NPAS3: variants seen among roughly 807,000 people sequenced by gnomAD.
NPAS3 encodes the protein neuronal PAS domain protein 3, also known as neuronal PAS domain-containing protein 3.
NPAS3 carries 14 observed loss-of-function variants against 73.1 expected under a neutral mutation model. The ratio of observed to expected loss-of-function variants is 0.19; its 90% confidence interval spans 0.13 to 0.30. The LOEUF is 0.30. Ranked by LOEUF, NPAS3 falls within the 10% of genes least tolerant of loss-of-function variation. NPAS3 has a pLI of 1.00. For missense variants in NPAS3, 1,096 were observed against 1,250.0 expected (o/e 0.88, Z 1.86); for synonymous variants, 620 against 541.5 (o/e 1.14, Z -2.01).
intron 5 of NPAS3, among the ~76,000 whole-genome samples, chr14:33,606,771 A>C (rs187234137): frequency 6.6e-6 from 1 of 152,346 alleles, no homozygotes; most frequent in African/African-American, 2.4e-5. Flanking sequence ...TAAAACTTCT[A>C]CTGTTCAACA....
At chr14:33,701,179 A>G (rs747525580) in intron 6 of NPAS3, among the ~76,000 whole-genome samples, 5 of 152,218 alleles carry the variant, frequency 3.3e-5, no homozygotes. Context: ...CCTACCAAGT[A>G]TTTTCAAATA....
At chr14:33,143,191 G>C (rs577180018) in intron 2 of NPAS3, among the ~76,000 whole-genome samples, 1 of 150,770 alleles carries the variant, frequency 6.6e-6, no homozygotes, top group East Asian at 2.0e-4. Context: ...CAGTTTATAA[G>C]GTTAAAAAAA....
intron 2 of NPAS3, among the ~76,000 whole-genome samples, chr14:33,144,672 G>A (rs528864392): frequency 1.3e-5 from 2 of 152,306 alleles, no homozygotes; most frequent in Admixed American, 6.5e-5. Flanking sequence ...TTCCTGAGTA[G>A]TTAGGACTAC....
intron 3 of NPAS3, among the ~76,000 whole-genome samples, chr14:33,333,869 T>G (rs2044096367): frequency 6.6e-6 from 1 of 152,148 alleles, no homozygotes; most frequent in African/African-American, 2.4e-5. Flanking sequence ...AGAAAAGTCA[T>G]AAGTAAAGGA....
intron 3 of NPAS3, among the ~76,000 whole-genome samples, chr14:33,317,023 T>C (rs1159349920): frequency 6.6e-6 from 1 of 152,096 alleles, no homozygotes; most frequent in Non-Finnish European, 1.5e-5. Flanking sequence ...CCTTCAGATT[T>C]GACTTCAGTG....
intron 4 of NPAS3, among the ~76,000 whole-genome samples, chr14:33,522,057 A>G (rs1056742159): frequency 6.6e-6 from 1 of 151,322 alleles, no homozygotes; most frequent in Non-Finnish European, 1.5e-5. Context: ...GTGTACCTAT[A>G]TGAATGAAAA....
intron 2 of NPAS3, among the ~76,000 whole-genome samples, chr14:33,062,378 G>A (rs1224962526): frequency 6.6e-6 from 1 of 151,998 alleles, no homozygotes; most frequent in Non-Finnish European, 1.5e-5. Context: ...TATCTTGAAG[G>A]ACTCTCCCAA....
chr14:33,224,982 T>A (rs997779509), intron 3 of NPAS3, among the ~76,000 whole-genome samples: 1 of 152,154 alleles, frequency 6.6e-6, no homozygotes, highest in African/African-American at 2.4e-5. Flanking sequence ...AAAAAATCAC[T>A]AGAATTCACT....
Position 33,799,715 on chromosome 14 carries a change from G to A in NPAS3, c.1427-19G>A, listed in dbSNP as rs914019567. 1 of 1,546,538 alleles carries A rather than the reference G, an allele frequency of 6.5e-7. No homozygotes were observed. ...TTCTCTCTCCGCCCCCGCCACCGCC[G>A]GCCCCCCGCCCCACACAGAGGACAA... On this transcript the variant is annotated intron_variant, in intron 11 of 11. Transcript: ENST00000356141.
At chr14:33,120,159 C>G (rs780901122) in intron 2 of NPAS3, among the ~76,000 whole-genome samples, 60 of 152,208 alleles carry the variant, frequency 3.9e-4, no homozygotes, top group Admixed American at 1.2e-3. Context: ...TGGGGTTTCA[C>G]CATCTTGACC....
chr14:33,580,628 C>G (rs2056626970), intron 5 of NPAS3, among the ~76,000 whole-genome samples: 1 of 152,114 alleles, frequency 6.6e-6, no homozygotes, highest in South Asian at 2.1e-4. Context: ...CATTTCTTTA[C>G]AACTGAGGAA....
At chr14:33,333,535 T>C (rs563486727) in intron 3 of NPAS3, among the ~76,000 whole-genome samples, 3 of 152,328 alleles carry the variant, frequency 2.0e-5, no homozygotes, top group Admixed American at 6.5e-5. Context: ...TTTTGACTTA[T>C]CCTGAGGTTG....
chr14:33,364,610 G>A (rs184932348), intron 3 of NPAS3, among the ~76,000 whole-genome samples: 2 of 152,316 alleles, frequency 1.3e-5, no homozygotes, highest in East Asian at 3.9e-4. Context: ...ATGCTAGGGT[G>A]TATGGGGGTA....
Position 33,800,024 on chromosome 14 carries a change from G to A in NPAS3, c.1717G>A (p.Glu573Lys), listed in dbSNP as rs1838420215. The change falls in exon 12 of 12, where the codon GAG (glutamate) becomes AAG (lysine). Residue 573 changes from glutamate (E) to lysine (K), a missense_variant. Glu to Lys is a moderately conservative substitution (Grantham distance 56). Coordinates refer to ENST00000356141, the Ensembl canonical transcript of NPAS3. This position sits in a 1 kb window ranked among gnomAD's most constrained non-coding sequence, Gnocchi z 6.5. ...GTCGGACCTGCGGCTGCAGAACTGCGAGTCACTCACGTCCGACAGCGCCAA... is the reference window on the plus strand; with the variant it reads ...GTCGGACCTGCGGCTGCAGAACTGCAAGTCACTCACGTCCGACAGCGCCAA... The A allele has an allele frequency of 1.9e-6, 3 of 1,610,908 alleles. No homozygotes were observed. Among genetic ancestry groups the A allele is most frequent in the South Asian group, 1.1e-5 (1 of 91,014 alleles).
At chr14:33,464,647 C>A (rs756481034) in intron 4 of NPAS3, among the ~76,000 whole-genome samples, 1 of 152,200 alleles carries the variant, frequency 6.6e-6, no homozygotes, top group Admixed American at 6.5e-5. Context: ...CATTTACTGT[C>A]TGTGGCTGCA....
Position 33,783,751 on chromosome 14 carries a change from G to A in NPAS3, c.1153+5179G>A, listed in dbSNP as rs1048244014. Among the ~76,000 whole-genome samples, 5 of 152,204 alleles carry A rather than the reference G, an allele frequency of 3.3e-5. No individual in the cohort carries two copies. The East Asian group carries it at 9.7e-4, about 29-fold the overall frequency. On this transcript the variant is annotated intron_variant, in intron 9 of 11. Transcript: ENST00000356141. ...TACACTGTGCATCAGTGGGGCAGTG[G>A]TGTCAGCACCCCCTGGGAACTCAGA...
chr14:33,307,936 A>G (rs12372856), intron 3 of NPAS3, among the ~76,000 whole-genome samples: 51,068 of 151,670 alleles, frequency 0.34, 8,931 homozygotes, highest in Non-Finnish European at 0.39. Flanking sequence ...TTGGAACACT[A>G]CCCCTCATGT....
At chr14:33,199,090 G>A (rs377508774) in intron 2 of NPAS3, among the ~76,000 whole-genome samples, 6 of 152,288 alleles carry the variant, frequency 3.9e-5, no homozygotes, top group Middle Eastern at 3.4e-3. Context: ...TGCGAGCTCC[G>A]TGTGCAGCCC....
intron 5 of NPAS3, among the ~76,000 whole-genome samples, chr14:33,608,986 C>G (rs1481614237): frequency 6.6e-6 from 1 of 152,158 alleles, no homozygotes; most frequent in Non-Finnish European, 1.5e-5. Flanking sequence ...CAGGGTCTAC[C>G]CTGGATTAAT....
Sources: gnomAD v4.1 joint callset for allele counts (sites outside exome capture counted in the v4.1 genomes callset) on GRCh38, gnomAD v4.1.1 for gene constraint, Gnocchi (gnomAD v3.1) non-coding constraint, MANE v1.5 for transcripts, NCBI Gene and HGNC (gene_info 2026-07-23, HGNC 2026-07-21) for gene names.